Variants in CTNND2 observed in about 807,000 individuals in gnomAD.
The protein encoded by CTNND2 is catenin delta 2.
In CTNND2, 22 loss-of-function variants were observed where a neutral mutation model predicts 144.4. The observed-to-expected ratio is 0.15, with a 90% CI of 0.11 to 0.22. The LOEUF is 0.22. CTNND2 is among the 10% of genes least tolerant of loss of function. CTNND2 has a pLI of 1.00. For missense variants in CTNND2, 1,353 were observed against 1,618.8 expected, an observed-to-expected ratio of 0.84 and a Z score of 2.82; for synonymous variants, 751 against 695.6, an observed-to-expected ratio of 1.08 and a Z score of -1.25.
chr5:11,765,197 G>C (rs533814096), intron 1 of CTNND2, among the ~76,000 whole-genome samples: 2 of 152,334 alleles, frequency 1.3e-5, no homozygotes, highest in Non-Finnish European at 2.9e-5. Context: ...TGAATTAAGA[G>C]AGAGTCTCTA....
rs145862944 is a variant in CTNND2 at position 11,051,912 on chromosome 5, G to A, written c.2789-28933C>T. Among the ~76,000 whole-genome samples the A allele has an allele frequency of 3.2e-3, 487 of 152,268 alleles. 3 individuals are homozygous for A. The highest frequency in any genetic ancestry group is 0.011 in the South Asian group (54 of 4,828). Reference sequence around the variant, plus strand: ...TTTTTGTTTATTGCTTCTTCACTACGTAACGTTGTGCGTTTAATAAGCACT... The same window carrying A: ...TTTTTGTTTATTGCTTCTTCACTACATAACGTTGTGCGTTTAATAAGCACT... On this transcript the variant is annotated intron_variant, in intron 16 of 21. Transcript: ENST00000304623.
At chr5:11,437,235 C>A (rs990821262) in intron 3 of CTNND2, among the ~76,000 whole-genome samples, 4 of 152,100 alleles carry the variant, frequency 2.6e-5, no homozygotes, top group Admixed American at 1.3e-4. Flanking sequence ...ATTCTCAAAT[C>A]CTTGTAAAAG....
chr5:11,891,818 G>A (rs1345886870), intron 1 of CTNND2, among the ~76,000 whole-genome samples: 1 of 152,188 alleles, frequency 6.6e-6, no homozygotes, highest in Non-Finnish European at 1.5e-5. Context: ...AAATTTGGTG[G>A]AATCCTTCCA....
chr5:11,638,163 C>T (rs2126492916), intron 2 of CTNND2, among the ~76,000 whole-genome samples: 1 of 152,258 alleles, frequency 6.6e-6, no homozygotes, highest in African/African-American at 2.4e-5. Context: ...TGGCTTGTGC[C>T]CATGCCTGTG....
At chr5:11,150,770 G>C (rs1757691559) in intron 12 of CTNND2, among the ~76,000 whole-genome samples, 1 of 151,958 alleles carries the variant, frequency 6.6e-6, no homozygotes. Context: ...GGGATTACAG[G>C]TGCCCGCCAG....
chr5:11,730,456 G>A (rs1787322567), intron 2 of CTNND2, among the ~76,000 whole-genome samples: 1 of 152,142 alleles, frequency 6.6e-6, no homozygotes, highest in Non-Finnish European at 1.5e-5. Context: ...ATGTATATTT[G>A]AATCTGTTTT....
chr5:11,676,066 C>T (rs1199178925), intron 2 of CTNND2, among the ~76,000 whole-genome samples: 5 of 151,916 alleles, frequency 3.3e-5, no homozygotes, highest in Admixed American at 3.3e-4. Flanking sequence ...CCAGTAGGGG[C>T]CAACAGATAC....
chr5:11,139,431 G>A (rs1025248310), intron 12 of CTNND2, among the ~76,000 whole-genome samples: 1 of 152,238 alleles, frequency 6.6e-6, no homozygotes, highest in East Asian at 1.9e-4. Context: ...AACGGGACCA[G>A]CTGATGAATC....
At chr5:11,106,086 A>T (rs1448495864) in intron 14 of CTNND2, among the ~76,000 whole-genome samples, 8 of 152,250 alleles carry the variant, frequency 5.3e-5, no homozygotes, top group African/African-American at 1.9e-4. Flanking sequence ...TGAAGTGATA[A>T]TAAAAAATCA....
chr5:11,585,498 A>ATCTG (rs1778788696), intron 2 of CTNND2, among the ~76,000 whole-genome samples: 1 of 151,610 alleles, frequency 6.6e-6, no homozygotes. Flanking sequence ...CTATCTATCT[A>ATCTG]TCTATCTATC....
chr5:11,724,116 T>C (rs1326534720), intron 2 of CTNND2, among the ~76,000 whole-genome samples: 1 of 152,148 alleles, frequency 6.6e-6, no homozygotes, highest in African/African-American at 2.4e-5. Flanking sequence ...AAGAGTAATA[T>C]GTCTATTACT....
At chr5:11,141,668 C>T (rs1374431258) in intron 12 of CTNND2, among the ~76,000 whole-genome samples, 1 of 152,124 alleles carries the variant, frequency 6.6e-6, no homozygotes, top group Non-Finnish European at 1.5e-5. Flanking sequence ...CAGATGGATG[C>T]CTTAGGCCAG....
intron 1 of CTNND2, among the ~76,000 whole-genome samples, chr5:11,861,793 G>A (rs1795515664): frequency 6.6e-6 from 1 of 152,146 alleles, no homozygotes; most frequent in Non-Finnish European, 1.5e-5. Flanking sequence ...CATTTCCTAT[G>A]ATTTGTCTTT....
At chr5:11,133,859 G>A (rs568690877) in intron 12 of CTNND2, among the ~76,000 whole-genome samples, 1 of 152,328 alleles carries the variant, frequency 6.6e-6, no homozygotes, top group Non-Finnish European at 1.5e-5. Context: ...GATATAGTCT[G>A]TCTGCTTCCA....
chr5:11,716,728 C>A (rs528275456), intron 2 of CTNND2, among the ~76,000 whole-genome samples: 1 of 151,758 alleles, frequency 6.6e-6, no homozygotes, highest in Non-Finnish European at 1.5e-5. Flanking sequence ...GCTCTGTCAC[C>A]GAGGCTGGAG....
At chr5:11,032,812 T>A (rs1019878543) in intron 16 of CTNND2, among the ~76,000 whole-genome samples, 3 of 152,190 alleles carry the variant, frequency 2.0e-5, no homozygotes, top group Non-Finnish European at 4.4e-5. Context: ...ATAACAAAAT[T>A]ATAGAGATGG....
At chr5:11,625,816 A>G (rs1386995522) in intron 2 of CTNND2, among the ~76,000 whole-genome samples, 2 of 152,144 alleles carry the variant, frequency 1.3e-5, no homozygotes, top group Admixed American at 6.6e-5. Context: ...GAACTCTTCA[A>G]TCAATAAGAT....
intron 2 of CTNND2, among the ~76,000 whole-genome samples, chr5:11,652,731 G>A (rs372503871): frequency 1.3e-5 from 2 of 152,266 alleles, no homozygotes; most frequent in South Asian, 4.1e-4. Flanking sequence ...AGTTGTGTGT[G>A]TGATGGGAAG....
chr5:11,148,654 T>G (rs933169232), intron 12 of CTNND2, among the ~76,000 whole-genome samples: 2 of 152,186 alleles, frequency 1.3e-5, no homozygotes, highest in Non-Finnish European at 2.9e-5. Context: ...GGTGCTGTCT[T>G]TCTGGGCTGC....
Sources: allele counts gnomAD v4.1 joint callset (sites outside exome capture counted in the v4.1 genomes callset), GRCh38; gene constraint gnomAD v4.1.1; transcripts MANE v1.5; gene names NCBI Gene and HGNC (gene_info 2026-07-23, HGNC 2026-07-21).